The following ANPEP variants were observed in gnomAD, a reference collection of about 807,000 sequenced individuals.
ANPEP encodes alanyl aminopeptidase, membrane.
Under a neutral mutation model 114.6 loss-of-function variants are expected in ANPEP, and 70 were observed. That is an observed-to-expected ratio of 0.61 (90% CI 0.50 to 0.75). The LOEUF is 0.75. Among genes scored for constraint, ANPEP ranks in the 30% least tolerant of loss-of-function variants. ANPEP has a pLI of 0.00. For missense variants in ANPEP, 1,184 were observed against 1,259.5 expected, an observed-to-expected ratio of 0.94 and a Z score of 0.91; for synonymous variants, 548 against 522.3, an observed-to-expected ratio of 1.05 and a Z score of -0.67.
chr15:89,805,284 C>A (rs772414386), intron 3 of ANPEP, 37 bp downstream of exon 3: 3 of 1,612,720 alleles, frequency 1.9e-6, no homozygotes, highest in South Asian at 1.1e-5. Flanking sequence ...AGGGTGCCTG[C>A]CCCCTGGCCC....
intron 20 of ANPEP, among the ~76,000 whole-genome samples, chr15:89,789,634 G>T (rs28731015): frequency 0.38 from 57,825 of 151,162 alleles, 11,402 homozygotes; most frequent in African/African-American, 0.46. Context: ...TTAGCCGGGT[G>T]TGGGGGCGCA....
chr15:89,806,182 C>T lies in ANPEP; in HGVS notation c.402G>A (p.Gly134=). 2 of 1,614,148 alleles carry T rather than the reference C, an allele frequency of 1.2e-6. No homozygotes were observed. The highest frequency in any genetic ancestry group is 1.7e-6 in the Non-Finnish European group (2 of 1,180,022). ...CCACACCACGCAGGACCACCCTGTG[C>T]CCCTGGCTGAGGGTGTAGTTGAGCT... is the stretch of plus-strand genomic sequence containing the variant. ...SKKLNYTLSQ[G]HRVVLRGVGG... is the part of the protein sequence containing the mutation. The change falls in exon 2 of 21, where the codon GGG becomes GGA. Residue 134 remains glycine, a synonymous_variant. Coordinates refer to ENST00000300060, the MANE Select transcript of ANPEP (RefSeq NM_001150.3). This position sits in a 1 kb window ranked among gnomAD's most constrained non-coding sequence, Gnocchi z 5.7.
chr15:89,787,040 C>CTTTTTTTTTTTTTTTTTTTTTTTTT (rs1015822999), intron 20 of ANPEP, among the ~76,000 whole-genome samples: 2 of 91,044 alleles, frequency 2.2e-5, no homozygotes, highest in South Asian at 4.3e-4. Flanking sequence ...TAATAAAACT[C>CTTTTTTTTTTTTTTTTTTTTTTTTT]TTTTTTTTTT....
At position 89,791,067 on chromosome 15, in the gene ANPEP, T is replaced by G. The variant is rs778063366; in HGVS notation, c.2555A>C (p.Asp852Ala). Reference sequence around the variant, plus strand: ...GGTGGCGTCCTGCTTCCGGATTAAGTCCGGGTTCAGGGTGTAGCTCAGGTA... The same window carrying G: ...GGTGGCGTCCTGCTTCCGGATTAAGGCCGGGTTCAGGGTGTAGCTCAGGTA... ...NRYLSYTLNPDLIRKQDATST... is the reference protein window; with the variant it reads ...NRYLSYTLNPALIRKQDATST... Residue 852 changes from aspartate (D) to alanine (A), a missense_variant, in exon 19 of 21, where the codon GAC becomes GCC. Transcript: ENST00000300060. 20 of 1,614,078 alleles carry G rather than the reference T, an allele frequency of 1.2e-5. No homozygotes were observed. The highest frequency in any genetic ancestry group is 1.7e-5 in the Non-Finnish European group (20 of 1,180,040).
At chr15:89,792,589 C>T (rs1968653388) in intron 16 of ANPEP, 27 bp from the exon 17 acceptor site, 2 of 1,596,874 alleles carry the variant, frequency 1.3e-6, no homozygotes, top group Non-Finnish European at 1.7e-6. Flanking sequence ...ACGCGGTTAG[C>T]ACACCTGGCG....
intron 14 of ANPEP, among the ~76,000 whole-genome samples, chr15:89,797,970 C>T (rs1179797164): frequency 1.3e-5 from 2 of 152,230 alleles, no homozygotes; most frequent in Non-Finnish European, 1.5e-5. Flanking sequence ...CACTCCTTTG[C>T]TTATTATCCC....
intron 1 of ANPEP, among the ~76,000 whole-genome samples, chr15:89,807,772 A>G (rs1894745057): frequency 6.6e-6 from 1 of 152,186 alleles, no homozygotes; most frequent in Admixed American, 6.5e-5. Flanking sequence ...CTTGGTAGAA[A>G]TGAAGATATT....
intron 10 of ANPEP, among the ~76,000 whole-genome samples, chr15:89,801,981 GTGGGGGACGGGGCCC>G (rs1377209126): frequency 2.6e-5 from 4 of 152,222 alleles, no homozygotes; most frequent in Middle Eastern, 3.4e-3. Flanking sequence ...ACAGGCAGGG[GTGGGGGACGGGGCCC>G]TGGGGGTCGC....
chr15:89,801,629 G>T, intron 10 of ANPEP, 22 bp from the exon 11 acceptor site: 1 of 1,608,226 alleles, frequency 6.2e-7, no homozygotes, highest in Non-Finnish European at 8.5e-7. Flanking sequence ...GCGAGAGGGC[G>T]TGGCCATCAG....
chr15:89,795,874 G>A (rs746454390), intron 15 of ANPEP, among the ~76,000 whole-genome samples: 1 of 152,204 alleles, frequency 6.6e-6, no homozygotes, highest in South Asian at 2.1e-4. Flanking sequence ...GAGCTGTGTG[G>A]CAGCTCTGGA....
intron 15 of ANPEP, among the ~76,000 whole-genome samples, chr15:89,794,452 C>T (rs1158295464): frequency 6.6e-6 from 1 of 151,830 alleles, no homozygotes; most frequent in African/African-American, 2.4e-5. Context: ...CCACTGCGCT[C>T]CAGCCTGGGT....
chr15:89,801,185 T>C lies in ANPEP; in HGVS notation c.1745A>G (p.Tyr582Cys). ...SNVTRPSEFN[Y>C]VWIVPITSIR... ...GGATGTGATGGGCACAATCCACACGTAGCTGCAATTAAAGATCCAGAGGTG... is the reference window on the plus strand; with the variant it reads ...GGATGTGATGGGCACAATCCACACGCAGCTGCAATTAAAGATCCAGAGGTG... Residue 582 changes from tyrosine (Y) to cysteine (C), a missense_variant and splice_region_variant, in exon 12 of 21, where the codon TAC becomes TGC. Physicochemically the swap from Tyr to Cys is radical, Grantham distance 194. Coordinates refer to ENST00000300060, the MANE Select transcript of ANPEP (RefSeq NM_001150.3). The C allele has an allele frequency of 6.2e-7, 1 of 1,614,096 alleles. No individual in the cohort carries two copies. Among genetic ancestry groups the C allele is most frequent in the South Asian group, 1.1e-5 (1 of 91,080 alleles).
At chr15:89,802,183 G>C (rs967072941) in intron 10 of ANPEP, among the ~76,000 whole-genome samples, 1 of 152,186 alleles carries the variant, frequency 6.6e-6, no homozygotes, top group African/African-American at 2.4e-5. Context: ...GGGCCACACA[G>C]AGGGCAGAAG....
chr15:89,809,456 T>TG (rs1894780949), intron 1 of ANPEP, among the ~76,000 whole-genome samples: 1 of 152,372 alleles, frequency 6.6e-6, no homozygotes, highest in East Asian at 1.9e-4. Context: ...ACAAGGCCTC[T>TG]GGTCTTCCAA....
chr15:89,809,525 C>A (rs1456897286), intron 1 of ANPEP, among the ~76,000 whole-genome samples: 2 of 152,142 alleles, frequency 1.3e-5, no homozygotes, highest in African/African-American at 4.8e-5. Context: ...GCTCTAGGCA[C>A]CAGGCCAACC....
chr15:89,804,174 C>G, intron 6 of ANPEP, 79 bp downstream of exon 6: 1 of 1,592,586 alleles, frequency 6.3e-7, no homozygotes, highest in Non-Finnish European at 8.6e-7. Flanking sequence ...CTCAGCAGCC[C>G]GGGGCAGAGC....
At chr15:89,807,712 A>C (rs1450896928) in intron 1 of ANPEP, among the ~76,000 whole-genome samples, 1 of 152,156 alleles carries the variant, frequency 6.6e-6, no homozygotes, top group East Asian at 1.9e-4. Context: ...AAAAGAAAAA[A>C]ATCGTTCCCT....
intron 18 of ANPEP, 72 bp from the exon 19 acceptor site, chr15:89,791,165 G>A (rs1968616597): frequency 1.6e-5 from 25 of 1,540,790 alleles, no homozygotes; most frequent in South Asian, 3.6e-5. Flanking sequence ...ACTGTCCCAC[G>A]CACATCACCT....
At chr15:89,792,887 C>A (rs758625849) in intron 16 of ANPEP, 148 bp downstream of exon 16, 9 of 748,786 alleles carry the variant, frequency 1.2e-5, no homozygotes, top group Non-Finnish European at 1.8e-5. Flanking sequence ...CATGGAGCCT[C>A]AGGGCAGGAC....
Sources: gnomAD v4.1 joint callset for allele counts (sites outside exome capture counted in the v4.1 genomes callset) on GRCh38, gnomAD v4.1.1 for gene constraint, Gnocchi (gnomAD v3.1) non-coding constraint, MANE v1.5 for transcripts, NCBI Gene and HGNC (gene_info 2026-07-23, HGNC 2026-07-21) for gene names.